The following CYLD variants were observed in gnomAD, a reference collection of about 807,000 sequenced individuals.
The protein encoded by CYLD is ubiquitin carboxyl-terminal hydrolase CYLD.
In CYLD, 26 loss-of-function variants were observed where a neutral mutation model predicts 104.5. The observed-to-expected ratio is 0.25, with a 90% CI of 0.18 to 0.35. The LOEUF (loss-of-function observed/expected upper bound fraction) is 0.35, where lower values mean the gene tolerates loss of function less well. CYLD is among the 10% of genes least tolerant of loss of function. The probability of loss-of-function intolerance (pLI) is 1.00; values close to 1 mark genes in which losing one functional copy is unlikely to be tolerated. For synonymous variants in CYLD, 385 were observed against 399.9 expected (o/e 0.96, Z 0.45); for missense variants, 703 against 1,136.1 (o/e 0.62, Z 5.48).
chr16:50,750,300 T>C, intron 3 of CYLD, 98 bp downstream of exon 3: 1 of 1,389,180 alleles, frequency 7.2e-7, no homozygotes, highest in Non-Finnish European at 1.0e-6. Context: ...AAATACGAAA[T>C]AAATTTTCCC....
At chr16:50,742,574 A>T in intron 1 of CYLD, 188 bp from the exon 2 acceptor site, 1 of 147,994 alleles carries the variant, frequency 6.8e-6, no homozygotes. Context: ...AGATTGGGAG[A>T]CTGAGGCACA....
At chr16:50,761,100 A>G (rs553046666) in intron 5 of CYLD, among the ~76,000 whole-genome samples, 16 of 152,184 alleles carry the variant, frequency 1.1e-4, no homozygotes, top group Non-Finnish European at 2.1e-4. Context: ...AACTGTTTGC[A>G]TCTGTTGCCT....
chr16:50,772,075 G>A (rs1969215619), intron 5 of CYLD, among the ~76,000 whole-genome samples: 1 of 152,090 alleles, frequency 6.6e-6, no homozygotes, highest in South Asian at 2.1e-4. Context: ...GTAATCTTGT[G>A]TACATCTATA....
At chr16:50,788,649 A>G (rs1326629376) in intron 14 of CYLD, among the ~76,000 whole-genome samples, 1 of 152,206 alleles carries the variant, frequency 6.6e-6, no homozygotes, top group Admixed American at 6.5e-5. Flanking sequence ...AACCATCAAG[A>G]GTTCATATTA....
At chr16:50,771,872 T>G (rs989294743) in intron 5 of CYLD, among the ~76,000 whole-genome samples, 1 of 152,202 alleles carries the variant, frequency 6.6e-6, no homozygotes, top group Admixed American at 6.5e-5. Flanking sequence ...GGTATATTTA[T>G]GTGGGTCTAT....
rs192535029 is a variant in CYLD at position 50,801,217 on chromosome 16, T to C, written c.*4709T>C. ...CAGTGGTAATGCATTAACCAGCAAG[T>C]GTGGCCAAGGATAATGAAAAAGTGG... On this transcript the variant is annotated 3_prime_UTR_variant, in exon 19 of 19. Coordinates refer to ENST00000427738, the MANE Select transcript of CYLD (RefSeq NM_001378743.1). The C allele has an allele frequency of 6.9e-5, 16 of 233,462 alleles. No homozygotes were observed. Among genetic ancestry groups the C allele is most frequent in the African/African-American group, 3.3e-4 (15 of 45,478 alleles). The allele number at this position is 233,462 out of a possible 1,614,324, so 14.5% of individuals were successfully genotyped here.
rs1159653979 is a variant in CYLD, at chr16:50,787,831, T to C, written c.2087T>C (p.Val696Ala). The change falls in exon 14 of 19, where the codon GTA becomes GCA. Residue 696 changes from valine (V) to alanine (A), a missense_variant. Around this residue, in one of 5 missense-constraint regions of CYLD, gnomAD observed 125 missense variants for 325.4 expected, o/e 0.38. Transcript: ENST00000427738. Reference protein sequence around the residue: ...LNILFHHILRVEPLLKIRSAG... With the variant: ...LNILFHHILRAEPLLKIRSAG... Reference sequence around the variant, plus strand: ...ATTCTGTTTCATCATATTTTAAGGGTAGAACCTTTGCTAAAAATAAGGTAA... The same window carrying C: ...ATTCTGTTTCATCATATTTTAAGGGCAGAACCTTTGCTAAAAATAAGGTAA... 2 of 1,544,170 alleles carry C rather than the reference T, an allele frequency of 1.3e-6. No individual in the cohort carries two copies. The highest frequency in any genetic ancestry group is 2.7e-5 in the African/African-American group (2 of 73,576).
rs370996533 is a variant in CYLD, at chr16:50,780,150, G to C, written c.1518+106G>C. On this transcript the variant is annotated intron_variant, in intron 9 of 18. Coordinates refer to ENST00000427738, the MANE Select transcript of CYLD (RefSeq NM_001378743.1). ...ACAAACTGTTATATTTGTCAGAAAA[G>C]CTATCACTGCAGAATAATTTTCTCA... is the stretch of plus-strand genomic sequence containing the variant. 1.3e-5 allele frequency: 17 copies of C among 1,340,866 alleles called. No individual in the cohort carries two copies. In the East Asian group the frequency reaches 3.9e-4, roughly 31 times the overall value. The allele number at this position is 1,340,866 out of a possible 1,614,324, so 83.1% of individuals were successfully genotyped here. A position where few individuals can be genotyped will look rare whatever the true frequency, so the allele number is the denominator to read the frequency against.
chr16:50,753,219 C>T (rs1405001134), intron 4 of CYLD, among the ~76,000 whole-genome samples: 4 of 152,144 alleles, frequency 2.6e-5, no homozygotes, highest in African/African-American at 4.8e-5. Context: ...CATGTATGCC[C>T]CTCAGGATAG....
intron 5 of CYLD, among the ~76,000 whole-genome samples, chr16:50,756,838 A>G (rs1967301253): frequency 6.6e-6 from 1 of 152,196 alleles, no homozygotes; most frequent in Non-Finnish European, 1.5e-5. Context: ...TCGGATGGAC[A>G]ACAATTACCA....
chr16:50,765,030 T>C (rs906475324), intron 5 of CYLD, among the ~76,000 whole-genome samples: 1 of 152,248 alleles, frequency 6.6e-6, no homozygotes, highest in Non-Finnish European at 1.5e-5. Flanking sequence ...TCTATGCTAA[T>C]ATTGTTTTTC....
chr16:50,772,553 T>C (rs1402300221), intron 5 of CYLD, among the ~76,000 whole-genome samples: 1 of 152,236 alleles, frequency 6.6e-6, no homozygotes, highest in Non-Finnish European at 1.5e-5. Context: ...CATTGAATTA[T>C]ATTTCATTTT....
chr16:50,742,763 T>G lies in CYLD; in HGVS notation c.-202T>G. 1 of 398,762 alleles carries G rather than the reference T, an allele frequency of 2.5e-6. No individual in the cohort carries two copies. The highest frequency in any genetic ancestry group is 4.4e-6 in the Non-Finnish European group (1 of 226,114). 24.7% of individuals were successfully genotyped at this position (398,762 alleles called of 1,614,324 possible). On this transcript the variant is annotated splice_region_variant and 5_prime_UTR_variant, in exon 2 of 19. Coordinates refer to ENST00000427738, the MANE Select transcript of CYLD (RefSeq NM_001378743.1). ...GGCGTGTTCTGCTTTTTCTTTCAGT[T>G]TCCCCCTTTCTAGGGTGAGGATGGT... is the stretch of plus-strand genomic sequence containing the variant.
intron 8 of CYLD, among the ~76,000 whole-genome samples, chr16:50,778,886 G>C (rs994156739): frequency 6.6e-6 from 1 of 152,140 alleles, no homozygotes; most frequent in Admixed American, 6.5e-5. Context: ...TATCTCAACA[G>C]CATTTAGTAA....
chr16:50,745,362 GTTTTTTTTTTTT>G (rs535675323), intron 2 of CYLD, among the ~76,000 whole-genome samples: 2 of 78,754 alleles, frequency 2.5e-5, no homozygotes, highest in Non-Finnish European at 4.6e-5. Flanking sequence ...TTTCCTCTTT[GTTTTTTTTTTTT>G]TTTTTTTTTT....
intron 1 of CYLD, 117 bp downstream of exon 1, chr16:50,742,241 CG>C (rs2150862164): frequency 6.6e-6 from 1 of 151,340 alleles, no homozygotes; most frequent in South Asian, 2.1e-4. Flanking sequence ...GGGCGGCTGG[CG>C]GCCGGCGGGC....
In CYLD at chr16:50,749,591, G is replaced by A; in HGVS notation, c.-108G>A. ...CTTTTTACAGCATGGACACCACGTTGCTGAAAACATGCTTTGGGACTGCCA... is the reference window on the plus strand; with the variant it reads ...CTTTTTACAGCATGGACACCACGTTACTGAAAACATGCTTTGGGACTGCCA... On this transcript the variant is annotated 5_prime_UTR_variant, in exon 3 of 19. Coordinates refer to ENST00000427738, the MANE Select transcript of CYLD (RefSeq NM_001378743.1). 1.8e-6 allele frequency: 2 copies of A among 1,136,972 alleles called. No individual in the cohort carries two copies. The highest frequency in any genetic ancestry group is 2.5e-6 in the Non-Finnish European group (2 of 786,410). 70.4% of individuals were successfully genotyped at this position (1,136,972 alleles called of 1,614,324 possible). A position where few individuals can be genotyped will look rare whatever the true frequency, so the allele number is the denominator to read the frequency against.
chr16:50,783,216 A>G (rs1970445652), intron 11 of CYLD, among the ~76,000 whole-genome samples: 1 of 152,126 alleles, frequency 6.6e-6, no homozygotes, highest in Admixed American at 6.5e-5. Context: ...TACGGGCATG[A>G]GCCACCACGC....
intron 16 of CYLD, among the ~76,000 whole-genome samples, chr16:50,792,912 A>C (rs1971567147): frequency 6.6e-6 from 1 of 152,190 alleles, no homozygotes; most frequent in Non-Finnish European, 1.5e-5. Flanking sequence ...TTGATATGCA[A>C]ATATACTTAT....
Sources: gnomAD v4.1 joint callset for allele counts (sites outside exome capture counted in the v4.1 genomes callset) on GRCh38, gnomAD v4.1.1 for gene constraint, gnomAD v4.1.1 regional missense constraint, MANE v1.5 for transcripts, NCBI Gene and HGNC (gene_info 2026-07-23, HGNC 2026-07-21) for gene names.